The following JAKMIP3 variants were observed in gnomAD, a reference collection of about 807,000 sequenced individuals.
JAKMIP3 encodes the protein janus kinase and microtubule-interacting protein 3.
Under a neutral mutation model 118.5 loss-of-function variants are expected in JAKMIP3, and 58 were observed. That is an observed-to-expected ratio of 0.49 (90% CI 0.40 to 0.61). The LOEUF is 0.61. Ranked by LOEUF, JAKMIP3 falls within the 20% of genes least tolerant of loss-of-function variation. The pLI is 0.00. For missense variants in JAKMIP3, 950 were observed against 1,109.0 expected, an observed-to-expected ratio of 0.86 and a Z score of 2.04; for synonymous variants, 486 against 451.2, an observed-to-expected ratio of 1.08 and a Z score of -0.98.
intron 23 of JAKMIP3, among the ~76,000 whole-genome samples, chr10:132,180,748 CGCGCGTGTGT>C (rs1565021960): frequency 1.2e-4 from 1 of 8,328 alleles, no homozygotes; most frequent in Admixed American, 1.3e-3. Flanking sequence ...CGTGCGTGCG[CGCGCGTGTGT>C]GCGTGTGTGT....
chr10:132,048,778 A>G (rs965339667), intron 1 of JAKMIP3, among the ~76,000 whole-genome samples: 1 of 143,964 alleles, frequency 6.9e-6, no homozygotes, highest in African/African-American at 2.5e-5. Flanking sequence ...CTGGAACTAC[A>G]GGCACCCGCC....
In JAKMIP3 at chr10:132,180,652, CGTGTGCGTGTGTGCGT is replaced by C. The variant is rs1229798970; in HGVS notation, c.*1104-1699_*1104-1684del. Among the ~76,000 whole-genome samples, 14 of 8,668 alleles carry C rather than the reference CGTGTGCGTGTGTGCGT, an allele frequency of 1.6e-3. 4 individuals are homozygous for C. Among genetic ancestry groups the C allele is most frequent in the East Asian group, 0.013 (3 of 238 alleles). 5.7% of individuals were successfully genotyped at this position (8,668 alleles called of 152,430 possible). A position where few individuals can be genotyped will look rare whatever the true frequency, so the allele number is the denominator to read the frequency against. On this transcript the variant is annotated intron_variant, in intron 23 of 23. Transcript: ENST00000684848. ...GTGTGTGCGTGCGTGTGTGCGTGTG[CGTGTGCGTGTGTGCGT>C]GTGTGTGCGCGCGCGTGTGTGTGCG...
Position 132,135,169 on chromosome 10 carries a change from G to A in JAKMIP3, c.969+9G>A, listed in dbSNP as rs779187114. ...AAGAGAGGAATGAGCTGGTGAGCGC[G>A]GGCGGGGGCTTCTGGCTCCTGGGGG... On this transcript the variant is annotated intron_variant, in intron 5 of 23. Transcript: ENST00000684848. 10 of 1,593,622 alleles carry A rather than the reference G, an allele frequency of 6.3e-6. No individual in the cohort carries two copies. Among genetic ancestry groups the A allele is most frequent in the Middle Eastern group, 2.1e-4 (1 of 4,728 alleles).
intron 1 of JAKMIP3, among the ~76,000 whole-genome samples, chr10:132,042,184 CTCCT>C (rs58374693): frequency 5.2e-4 from 69 of 132,192 alleles, no homozygotes; most frequent in Non-Finnish European, 8.2e-4. Flanking sequence ...TGCTCGCTCG[CTCCT>C]TCCTTCCTTC....
chr10:132,048,931 C>T (rs752986956), intron 1 of JAKMIP3, among the ~76,000 whole-genome samples: 3 of 152,110 alleles, frequency 2.0e-5, no homozygotes, highest in Non-Finnish European at 4.4e-5. Context: ...TGAGCCACCG[C>T]GCCCGGCCTG....
chr10:132,093,817 T>C (rs1169780722), intron 1 of JAKMIP3, among the ~76,000 whole-genome samples: 2 of 152,134 alleles, frequency 1.3e-5, no homozygotes, highest in African/African-American at 4.8e-5. Flanking sequence ...ATCACCCCCA[T>C]CTTCTATGTC....
chr10:132,101,147 C>T (rs770045054), intron 1 of JAKMIP3, among the ~76,000 whole-genome samples: 3 of 152,218 alleles, frequency 2.0e-5, no homozygotes, highest in South Asian at 4.1e-4. Context: ...AGGCCTGGGA[C>T]GGGAGGAGGG....
At chr10:132,126,262 G>GTT (rs914280491) in intron 3 of JAKMIP3, among the ~76,000 whole-genome samples, 1 of 151,160 alleles carries the variant, frequency 6.6e-6, no homozygotes, top group African/African-American at 2.4e-5. Flanking sequence ...AGGTTGGTTG[G>GTT]TTGGTTTTGG....
chr10:132,181,561 C>T (rs1297806344), intron 23 of JAKMIP3: 1 of 152,188 alleles, frequency 6.6e-6, no homozygotes, highest in Non-Finnish European at 1.5e-5. Context: ...AGAAACGAAC[C>T]CGATTAAAGG....
chr10:132,079,019 C>T (rs561727125), intron 1 of JAKMIP3, among the ~76,000 whole-genome samples: 2 of 152,282 alleles, frequency 1.3e-5, no homozygotes, highest in South Asian at 2.1e-4. Flanking sequence ...TGGGAGTGAC[C>T]CAAATGCCCA....
rs564122603 is a variant in JAKMIP3 at position 132,174,574 on chromosome 10, A to G, written c.*1103+5541A>G. Among the ~76,000 whole-genome samples, 12 of 152,300 alleles carry G rather than the reference A, an allele frequency of 7.9e-5. No individual in the cohort carries two copies. The South Asian group carries it at 2.1e-3, about 26-fold the overall frequency. On this transcript the variant is annotated intron_variant, in intron 23 of 23. Transcript: ENST00000684848. ...TGGGGCAAATGTGAACAAAACTGCT[A>G]TAATGTGTGACAGGTTTTTTCACGA...
intron 19 of JAKMIP3, among the ~76,000 whole-genome samples, chr10:132,154,908 T>C (rs1240476680): frequency 5.3e-5 from 2 of 37,794 alleles, no homozygotes; most frequent in Admixed American, 2.7e-4. Flanking sequence ...GTGATCATGA[T>C]GACGGTGGTG....
At chr10:132,073,224 C>T (rs747077361) in intron 1 of JAKMIP3, among the ~76,000 whole-genome samples, 47 of 152,146 alleles carry the variant, frequency 3.1e-4, no homozygotes, top group Non-Finnish European at 8.8e-5. Context: ...CTTGCTCTTT[C>T]GCCCAGGCCA....
chr10:132,166,176 C>T (rs528358931), intron 21 of JAKMIP3, among the ~76,000 whole-genome samples: 1 of 152,114 alleles, frequency 6.6e-6, no homozygotes, highest in Non-Finnish European at 1.5e-5. Flanking sequence ...AATTTTAAAA[C>T]ATAGCTGGAC....
intron 1 of JAKMIP3, among the ~76,000 whole-genome samples, chr10:132,068,575 C>T (rs116018128): frequency 2.6e-5 from 4 of 152,172 alleles, no homozygotes; most frequent in Non-Finnish European, 4.4e-5. Context: ...GGGCTTTGAG[C>T]GATGTGAGGT....
In JAKMIP3 at chr10:132,140,584, C is replaced by A. The variant is rs375807579; in HGVS notation, c.1473+5C>A. 8 of 1,407,918 alleles carry A rather than the reference C, an allele frequency of 5.7e-6. No individual in the cohort carries two copies. Among genetic ancestry groups the A allele is most frequent in the East Asian group, 3.5e-5 (1 of 28,248 alleles). 87.2% of individuals were successfully genotyped at this position (1,407,918 alleles called of 1,614,324 possible). ...CCGGACGATGACTTGGAGGAGGTAA[C>A]GAGGGTCTCCTGCCGGGTCCTGGGC... On this transcript the variant is annotated splice_donor_5th_base_variant and intron_variant, in intron 10 of 23. Coordinates refer to ENST00000684848, the MANE Select transcript of JAKMIP3 (RefSeq NM_001323087.2).
At chr10:132,141,013 A>G (rs995038306) in intron 10 of JAKMIP3, among the ~76,000 whole-genome samples, 3 of 152,176 alleles carry the variant, frequency 2.0e-5, no homozygotes, top group Non-Finnish European at 4.4e-5. Flanking sequence ...TTTCTTTCTG[A>G]TAACAGCACA....
chr10:132,127,403 T>TGTGTGTGTGTGTGTGTGC (rs1554941585), intron 3 of JAKMIP3, among the ~76,000 whole-genome samples: 1 of 150,472 alleles, frequency 6.6e-6, no homozygotes, highest in African/African-American at 2.5e-5. Context: ...TGTGTGTGTG[T>TGTGTGTGTGTGTGTGTGC]GTGTGTGTGT....
chr10:132,122,348 C>T (rs1414420270), intron 3 of JAKMIP3, among the ~76,000 whole-genome samples: 1 of 152,256 alleles, frequency 6.6e-6, no homozygotes. Flanking sequence ...CCCAGCACCC[C>T]AGCCTTGGCC....
Sources: gnomAD v4.1 joint callset for allele counts (sites outside exome capture counted in the v4.1 genomes callset) on GRCh38, gnomAD v4.1.1 for gene constraint, MANE v1.5 for transcripts, NCBI Gene and HGNC (gene_info 2026-07-23, HGNC 2026-07-21) for gene names.